KCTD9: variants seen among roughly 807,000 people sequenced by gnomAD.
KCTD9 encodes the protein potassium channel tetramerization domain containing 9.
Under a neutral mutation model 53.3 loss-of-function variants are expected in KCTD9, and 17 were observed. The ratio of observed to expected loss-of-function variants is 0.32; its 90% CI spans 0.22 to 0.48. The LOEUF (loss-of-function observed/expected upper bound fraction) is 0.48. Ranked by LOEUF, KCTD9 falls within the 20% of genes least tolerant of loss-of-function variation. The pLI is 0.99. For synonymous variants in KCTD9, 128 were observed against 162.7 expected (o/e 0.79, Z 1.62); for missense variants, 179 against 465.5 (o/e 0.38, Z 5.66).
intron 1 of KCTD9, among the ~76,000 whole-genome samples, chr8:25,456,438 A>C (rs941044251): frequency 1.3e-5 from 2 of 152,150 alleles, no homozygotes; most frequent in African/African-American, 4.8e-5. Flanking sequence ...ATAATTATAA[A>C]TTTTTTTAAT....
intron 9 of KCTD9, among the ~76,000 whole-genome samples, chr8:25,434,754 G>A (rs1230569484): frequency 1.3e-5 from 2 of 152,110 alleles, no homozygotes; most frequent in Admixed American, 6.6e-5. Flanking sequence ...ACAGACACGG[G>A]CCTTGGTGGT....
At chr8:25,441,808 AG>A (rs1802128104) in intron 3 of KCTD9, among the ~76,000 whole-genome samples, 1 of 152,070 alleles carries the variant, frequency 6.6e-6, no homozygotes, top group Admixed American at 6.6e-5. Context: ...CCTGGGCAAC[AG>A]GGCAAAACCC....
intron 6 of KCTD9, among the ~76,000 whole-genome samples, chr8:25,437,194 C>T (rs1395577646): frequency 1.3e-5 from 2 of 152,176 alleles, no homozygotes; most frequent in Admixed American, 1.3e-4. Context: ...CAAGAGGCAT[C>T]CAAAGATTAT....
intron 4 of KCTD9, 31 bp downstream of exon 4, chr8:25,440,544 TTC>T: frequency 7.2e-7 from 1 of 1,383,274 alleles, no homozygotes; most frequent in Non-Finnish European, 1.0e-6. Context: ...TTCTTTTGCA[TTC>T]TCTTTCTAAC....
At chr8:25,437,239 C>A (rs1255222995) in intron 6 of KCTD9, among the ~76,000 whole-genome samples, 1 of 152,140 alleles carries the variant, frequency 6.6e-6, no homozygotes, top group Non-Finnish European at 1.5e-5. Context: ...CTGGTGGAAA[C>A]TCAACATATT....
intron 5 of KCTD9, 62 bp from the exon 6 acceptor site, chr8:25,439,469 G>T: frequency 6.4e-7 from 1 of 1,569,472 alleles, no homozygotes. Context: ...AGAAATGTAT[G>T]AGGAAAAAAT....
At chr8:25,451,059 G>A (rs557420348) in intron 1 of KCTD9, among the ~76,000 whole-genome samples, 1 of 152,254 alleles carries the variant, frequency 6.6e-6, no homozygotes, top group African/African-American at 2.4e-5. Flanking sequence ...TTTCCCTTAA[G>A]TTGGGCCAAT....
In KCTD9 at chr8:25,440,654, C is replaced by T; in HGVS notation, c.234G>A (p.Lys78=). The change falls in exon 4 of 12, where the codon AAG becomes AAA. Residue 78 remains lysine (K), a synonymous_variant. Coordinates refer to ENST00000221200, the MANE Select transcript of KCTD9 (RefSeq NM_017634.4). ...GGAATCCTAACAATCCCTCAGGAGG[C>T]TTAGAATCTGTCTGAGGATCTAGAG... ...EPFIDPQTDS[K]PPEGLLGFHT... 1 of 1,608,674 alleles carries T rather than the reference C, an allele frequency of 6.2e-7. No individual in the cohort carries two copies. Among genetic ancestry groups the T allele is most frequent in the East Asian group, 2.2e-5 (1 of 44,840 alleles).
intron 10 of KCTD9, 76 bp from the exon 11 acceptor site, chr8:25,432,713 T>G: frequency 7.7e-7 from 1 of 1,294,016 alleles, no homozygotes; most frequent in African/African-American, 1.5e-5. Flanking sequence ...GCAAGATGAC[T>G]TAATGGAGGC....
intron 1 of KCTD9, chr8:25,457,852 A>C: frequency 5.5e-6 from 1 of 181,516 alleles, no homozygotes. Context: ...GGTCTCGGGG[A>C]GAGGCGGGAA....
Position 25,458,250 on chromosome 8 carries a change from G to C in KCTD9, c.-4C>G. ...GGAACAGGGTCACCCGCCTCATCGC[G>C]CTGCCCCCGCTGGGTCCTGAGTGAG... On this transcript the variant is annotated 5_prime_UTR_variant, in exon 1 of 12. Transcript: ENST00000221200. 6.2e-7 allele frequency: 1 copy of C among 1,604,526 alleles called. No individual in the cohort carries two copies. The highest frequency in any genetic ancestry group is 8.5e-7 in the Non-Finnish European group (1 of 1,176,676).
intron 6 of KCTD9, 147 bp from the exon 7 acceptor site, chr8:25,436,632 G>A: frequency 1.9e-6 from 1 of 519,484 alleles, no homozygotes; most frequent in South Asian, 3.6e-5. Context: ...TTTGCCACAA[G>A]TATCTTTTAC....
At chr8:25,433,195 T>G (rs1156663240) in intron 10 of KCTD9, 135 bp downstream of exon 10, 1 of 435,730 alleles carries the variant, frequency 2.3e-6, no homozygotes, top group East Asian at 3.5e-5. Context: ...ACTTTGGAAG[T>G]TCTCCAAATA....
intron 1 of KCTD9, among the ~76,000 whole-genome samples, chr8:25,447,129 C>T (rs1802227682): frequency 6.6e-6 from 1 of 152,192 alleles, no homozygotes; most frequent in African/African-American, 2.4e-5. Context: ...CGCAGTGGTT[C>T]ATGCCTGTAA....
intron 11 of KCTD9, among the ~76,000 whole-genome samples, chr8:25,431,367 G>C (rs1319305319): frequency 6.6e-6 from 1 of 152,136 alleles, no homozygotes; most frequent in South Asian, 2.1e-4. Flanking sequence ...GTACAGAACA[G>C]TGTAACCACC....
intron 1 of KCTD9, among the ~76,000 whole-genome samples, chr8:25,453,071 G>T (rs950853881): frequency 1.3e-5 from 2 of 152,170 alleles, no homozygotes; most frequent in Non-Finnish European, 2.9e-5. Flanking sequence ...TTTTAAAAAT[G>T]TAACTTAGTG....
chr8:25,457,332 G>A (rs145248197), intron 1 of KCTD9: 637 of 983,266 alleles, frequency 6.5e-4, no homozygotes, highest in Non-Finnish European at 7.2e-4. Flanking sequence ...TTACTTCTAG[G>A]TATCATTTAG....
chr8:25,453,186 A>G (rs991783650), intron 1 of KCTD9, among the ~76,000 whole-genome samples: 5 of 151,828 alleles, frequency 3.3e-5, no homozygotes, highest in Non-Finnish European at 7.4e-5. Context: ...GTGAAACCCC[A>G]TCTCTACTAA....
In KCTD9 at chr8:25,458,406, TC is replaced by T; in HGVS notation, c.-161del. On this transcript the variant is annotated 5_prime_UTR_variant, in exon 1 of 12. Transcript: ENST00000221200. Reference sequence around the variant, plus strand: ...GGACACACCACACGCACGCACTCTGTCCCACACCCAAGGTTCGGCCGGTCCT... The same window carrying T: ...GGACACACCACACGCACGCACTCTGTCCACACCCAAGGTTCGGCCGGTCCT... The T allele has an allele frequency of 1.3e-6, 1 of 783,052 alleles. No homozygotes were observed. The highest frequency in any genetic ancestry group is 2.1e-6 in the Non-Finnish European group (1 of 471,798). The allele number at this position is 783,052 out of a possible 1,614,324, so 48.5% of individuals were successfully genotyped here. A position where few individuals can be genotyped will look rare whatever the true frequency, so the allele number is the denominator to read the frequency against.
Sources: gnomAD v4.1 joint callset for allele counts (sites outside exome capture counted in the v4.1 genomes callset) on GRCh38, gnomAD v4.1.1 for gene constraint, MANE v1.5 for transcripts, NCBI Gene and HGNC (gene_info 2026-07-23, HGNC 2026-07-21) for gene names.